The following MOB4 variants were observed in gnomAD, a reference collection of about 807,000 sequenced individuals.
MOB4 encodes the protein MOB-like protein phocein.
MOB4 carries 4 observed loss-of-function variants against 32.2 expected under a neutral mutation model. That is an observed-to-expected ratio of 0.12 (90% CI 0.06 to 0.28). The LOEUF is 0.28. Ranked by LOEUF, MOB4 falls within the 10% of genes least tolerant of loss-of-function variation. MOB4 has a pLI of 1.00. For synonymous variants in MOB4, 88 were observed against 88.1 expected (o/e 1.00, Z 0.01); for missense variants, 158 against 271.2 (o/e 0.58, Z 2.93).
chr2:197,540,910 T>C (rs1237920918), intron 5 of MOB4, among the ~76,000 whole-genome samples: 1 of 151,918 alleles, frequency 6.6e-6, no homozygotes, highest in Admixed American at 6.6e-5. Flanking sequence ...TTTTGCTCTT[T>C]TTTTTTTTTG....
chr2:197,546,879 AAC>A (rs1465504475), intron 5 of MOB4, among the ~76,000 whole-genome samples: 1 of 152,192 alleles, frequency 6.6e-6, no homozygotes, highest in Non-Finnish European at 1.5e-5. Flanking sequence ...ACAGTCGATT[AAC>A]ACACATTTTG....
intron 5 of MOB4, among the ~76,000 whole-genome samples, chr2:197,545,342 A>G (rs1389917556): frequency 1.3e-5 from 2 of 152,252 alleles, no homozygotes; most frequent in African/African-American, 2.4e-5. Context: ...TAGATTACAT[A>G]TAATACTGAA....
At chr2:197,519,098 G>C (rs2086469155) in intron 1 of MOB4, among the ~76,000 whole-genome samples, 1 of 151,966 alleles carries the variant, frequency 6.6e-6, no homozygotes, top group South Asian at 2.1e-4. Context: ...GTTTCAGCGT[G>C]TTAGCCAGGT....
chr2:197,523,820 A>C, intron 2 of MOB4, 134 bp downstream of exon 2: 1 of 730,988 alleles, frequency 1.4e-6, no homozygotes, highest in Non-Finnish European at 2.1e-6. Context: ...ACAAAACAAA[A>C]CAAAATAGTT....
upstream of MOB4, chr2:197,515,903 T>C (rs2086399716): frequency 1.7e-6 from 1 of 596,198 alleles, no homozygotes; most frequent in Non-Finnish European, 2.9e-6. Flanking sequence ...GTCCGGCTGT[T>C]CCTCGTTCGC....
Position 197,550,562 on chromosome 2 carries a change from C to T in MOB4, c.594C>T (p.Tyr198=). 1 of 1,609,358 alleles carries T rather than the reference C, an allele frequency of 6.2e-7. No individual in the cohort carries two copies. The part of the protein sequence containing the change: ...CHRFTKFVMK[Y]NLMSKDNLIV... ...GGTTTACTAAGTTTGTGATGAAATA[C>T]AATTTGATGTCCAAGGATAACCTGA... The change falls in exon 8 of 8, where the codon TAC becomes TAT. Residue 198 remains tyrosine, a synonymous_variant. Transcript: ENST00000323303.
chr2:197,533,764 C>A, intron 2 of MOB4: 1 of 462,902 alleles, frequency 2.2e-6, no homozygotes, highest in South Asian at 1.9e-5. Context: ...ATCCCTTTCC[C>A]TGTCATCATG....
intron 6 of MOB4, among the ~76,000 whole-genome samples, chr2:197,549,901 C>T (rs541387005): frequency 6.7e-6 from 1 of 148,802 alleles, no homozygotes; most frequent in African/African-American, 2.5e-5. Flanking sequence ...GAAAGAATAA[C>T]CTAGTTCTGT....
chr2:197,535,222 C>CA (rs371120769), intron 2 of MOB4, among the ~76,000 whole-genome samples: 190 of 66,378 alleles, frequency 2.9e-3, no homozygotes, highest in East Asian at 8.8e-3. Flanking sequence ...GACCCTGTTT[C>CA]AAAAAAAAAA....
At chr2:197,549,867 A>AC in intron 6 of MOB4, among the ~76,000 whole-genome samples, 1 of 151,600 alleles carries the variant, frequency 6.6e-6, no homozygotes, top group South Asian at 2.1e-4. Flanking sequence ...TCTAAAAAAA[A>AC]AAAAAAAAAA....
chr2:197,523,492 C>A, intron 1 of MOB4, 132 bp from the exon 2 acceptor site: 1 of 850,572 alleles, frequency 1.2e-6, no homozygotes, highest in Non-Finnish European at 1.8e-6. Flanking sequence ...AATTTATTTC[C>A]TTATTTCACT....
At chr2:197,533,690 A>G (rs1409843548) in intron 2 of MOB4, 1 of 304,410 alleles carries the variant, frequency 3.3e-6, no homozygotes, top group Non-Finnish European at 6.2e-6. Flanking sequence ...GAGCCATTGC[A>G]CTCCAGCCTG....
chr2:197,519,526 C>A (rs1367558665), intron 1 of MOB4, among the ~76,000 whole-genome samples: 2 of 152,106 alleles, frequency 1.3e-5, no homozygotes, highest in Non-Finnish European at 2.9e-5. Flanking sequence ...TAATGCAATG[C>A]GTGTTCTGTA....
chr2:197,523,451 A>C (rs980164105), intron 1 of MOB4, among the ~76,000 whole-genome samples, 173 bp from the exon 2 acceptor site: 3 of 152,146 alleles, frequency 2.0e-5, no homozygotes, highest in African/African-American at 7.2e-5. Context: ...GCAGAGTGAG[A>C]CCCTGTCTGT....
In MOB4 at chr2:197,550,763, T is replaced by C; in HGVS notation, c.*117T>C. 2.3e-6 allele frequency: 3 copies of C among 1,301,042 alleles called. No individual in the cohort carries two copies. The highest frequency in any genetic ancestry group is 2.8e-5 in the East Asian group (1 of 35,630). The allele number at this position is 1,301,042 out of a possible 1,614,324, so 80.6% of individuals were successfully genotyped here. ...AGCTTCTTTGTTTAGTATAGGTTTT[T>C]GTATGCTGGGTTTGCCTTTTAAAAT... is the stretch of plus-strand genomic sequence containing the variant. On this transcript the variant is annotated 3_prime_UTR_variant, in exon 8 of 8. Transcript: ENST00000323303.
chr2:197,544,916 G>T (rs867277136), intron 5 of MOB4, among the ~76,000 whole-genome samples: 2 of 152,110 alleles, frequency 1.3e-5, no homozygotes, highest in Non-Finnish European at 2.9e-5. Flanking sequence ...GTGCTGACGG[G>T]GATGTGAAGT....
At chr2:197,516,183 T>G (rs1028865441) in intron 1 of MOB4, 37 bp downstream of exon 1, 1 of 1,570,268 alleles carries the variant, frequency 6.4e-7, no homozygotes, top group East Asian at 2.3e-5. Flanking sequence ...GGCAACTAGG[T>G]GCCGAGCAGT....
At chr2:197,534,234 A>G (rs2086758249) in intron 2 of MOB4, among the ~76,000 whole-genome samples, 1 of 152,238 alleles carries the variant, frequency 6.6e-6, no homozygotes, top group Non-Finnish European at 1.5e-5. Context: ...TGGCTCAAGA[A>G]GGCCTTATAG....
intron 2 of MOB4, among the ~76,000 whole-genome samples, chr2:197,527,385 G>A (rs1639682243): frequency 6.6e-6 from 1 of 151,858 alleles, no homozygotes; most frequent in Admixed American, 6.6e-5. Flanking sequence ...TCTATTTCTA[G>A]GTATTTAAAA....
Sources: allele counts gnomAD v4.1 joint callset (sites outside exome capture counted in the v4.1 genomes callset), GRCh38; gene constraint gnomAD v4.1.1; transcripts MANE v1.5; gene names NCBI Gene and HGNC (gene_info 2026-07-23, HGNC 2026-07-21).